Variants in A1CF observed in about 807,000 individuals in gnomAD.
A1CF encodes APOBEC-1 stimulating protein.
In A1CF, 48 loss-of-function variants were observed where a neutral mutation model predicts 68.9. The observed-to-expected ratio is 0.70, with a 90% CI of 0.55 to 0.89. The LOEUF (loss-of-function observed/expected upper bound fraction) is 0.89, where lower values mean the gene tolerates loss of function less well. Among genes scored for constraint, A1CF ranks in the 40% least tolerant of loss-of-function variants. The pLI, the probability that A1CF is intolerant of heterozygous loss-of-function variation, is 0.00. For missense variants in A1CF, 653 were observed against 718.9 expected (o/e 0.91, Z 1.05); for synonymous variants, 272 against 260.4 (o/e 1.04, Z -0.43).
At chr10:50,848,011 A>G (rs1370976063) in intron 3 of A1CF, among the ~76,000 whole-genome samples, 1 of 152,186 alleles carries the variant, frequency 6.6e-6, no homozygotes, top group Non-Finnish European at 1.5e-5. Context: ...CTTGCACATG[A>G]CAGTAATGAC....
At chr10:50,876,236 G>A (rs541508161) in intron 1 of A1CF, among the ~76,000 whole-genome samples, 17 of 152,328 alleles carry the variant, frequency 1.1e-4, no homozygotes, top group Non-Finnish European at 2.1e-4. Flanking sequence ...ACACAGGGCC[G>A]AATAAATTCT....
chr10:50,884,064 C>G (rs948108897), intron 1 of A1CF, among the ~76,000 whole-genome samples: 5 of 152,178 alleles, frequency 3.3e-5, no homozygotes, highest in African/African-American at 9.7e-5. Flanking sequence ...GGTAACAAAA[C>G]CTGCTATAAC....
chr10:50,839,408 G>C (rs142699302), intron 5 of A1CF, among the ~76,000 whole-genome samples: 1 of 152,214 alleles, frequency 6.6e-6, no homozygotes. Flanking sequence ...GTAATGTAGC[G>C]TTTTGTAGCC....
chr10:50,835,621 C>G (rs1424014407), intron 6 of A1CF, among the ~76,000 whole-genome samples: 2 of 152,058 alleles, frequency 1.3e-5, no homozygotes. Context: ...TCAAATTAGA[C>G]AGAAATTATT....
intron 10 of A1CF, among the ~76,000 whole-genome samples, chr10:50,812,795 G>A (rs1795294860): frequency 6.6e-6 from 1 of 152,254 alleles, no homozygotes; most frequent in South Asian, 2.1e-4. Context: ...CCAGCACCTA[G>A]CGCACTACAT....
chr10:50,816,104 T>C lies in A1CF; in HGVS notation c.1043A>G (p.Tyr348Cys), dbSNP rs1838355878. 2 of 1,613,780 alleles carry C rather than the reference T, an allele frequency of 1.2e-6. No individual in the cohort carries two copies. Among genetic ancestry groups the C allele is most frequent in the Non-Finnish European group, 1.7e-6 (2 of 1,179,856 alleles). ...AATTGCTGCATAGGTCTGGGGGGCA[T>C]AGAAGACAGGAGCTCCAAGGTAGGT... ...TTTYLGAPVFYAPQTYAAIPS... is the reference protein window; with the variant it reads ...TTTYLGAPVFCAPQTYAAIPS... The change falls in exon 9 of 13, where the codon TAT becomes TGT. Residue 348 changes from tyrosine to cysteine, a missense_variant. Physicochemically the swap from Tyr to Cys is radical, Grantham distance 194. Transcript: ENST00000373997.
chr10:50,834,769 G>C (rs898920184), intron 6 of A1CF, among the ~76,000 whole-genome samples: 1 of 152,092 alleles, frequency 6.6e-6, no homozygotes, highest in Non-Finnish European at 1.5e-5. Context: ...GAAGTCGGAG[G>C]GTGGGGCACA....
intron 1 of A1CF, among the ~76,000 whole-genome samples, chr10:50,872,997 C>G (rs577549117): frequency 9.3e-4 from 133 of 142,468 alleles, no homozygotes; most frequent in African/African-American, 3.0e-3. Context: ...GCTCTATCAC[C>G]CAGGCTGGAG....
At position 50,800,498 on chromosome 10, in the gene A1CF, T is replaced by C. The variant is rs961456620; in HGVS notation, c.*6231A>G. The stretch of plus-strand genomic sequence containing the variant: ...TATCAGGTGTTGCAATTATATTCAA[T>C]TTTGAAAAATGCAGAATGGACCATG... On this transcript the variant is annotated 3_prime_UTR_variant, in exon 13 of 13. Coordinates refer to ENST00000373997, the MANE Select transcript of A1CF (RefSeq NM_014576.4). 1.3e-5 allele frequency: 2 copies of C among 152,176 alleles called. No individual in the cohort carries two copies. Among genetic ancestry groups the C allele is most frequent in the Admixed American group, 1.3e-4 (2 of 15,266 alleles). The allele number at this position is 152,176 out of a possible 1,614,324, so 9.4% of individuals were successfully genotyped here.
At chr10:50,812,710 C>T (rs1014915709) in intron 10 of A1CF, among the ~76,000 whole-genome samples, 5 of 152,134 alleles carry the variant, frequency 3.3e-5, no homozygotes, top group East Asian at 1.9e-4. Context: ...TATATGTTTA[C>T]GTGTCAGTTT....
intron 1 of A1CF, among the ~76,000 whole-genome samples, chr10:50,881,109 C>A (rs1416466642): frequency 6.6e-6 from 1 of 152,098 alleles, no homozygotes; most frequent in Non-Finnish European, 1.5e-5. Context: ...CCCGCCTCAG[C>A]CTCCTGGGTA....
At chr10:50,865,044 C>G (rs946417450) in intron 1 of A1CF, among the ~76,000 whole-genome samples, 1 of 151,998 alleles carries the variant, frequency 6.6e-6, no homozygotes. Flanking sequence ...GTAATTCCAG[C>G]AATTTGGGAG....
chr10:50,869,896 A>G (rs1347701845), intron 1 of A1CF, among the ~76,000 whole-genome samples: 1 of 151,920 alleles, frequency 6.6e-6, no homozygotes, highest in Non-Finnish European at 1.5e-5. Context: ...TTAGCTTCCT[A>G]TGATATATAG....
At position 50,828,226 on chromosome 10, in the gene A1CF, T is replaced by C. The variant is rs780157411; in HGVS notation, c.674A>G (p.Asp225Gly). 1 of 1,608,422 alleles carries C rather than the reference T, an allele frequency of 6.2e-7. No individual in the cohort carries two copies. The highest frequency in any genetic ancestry group is 1.1e-5 in the South Asian group (1 of 90,472). Residue 225 changes from aspartate to glycine, a missense_variant, in exon 7 of 13, where the codon GAT becomes GGT. Coordinates refer to ENST00000373997, the MANE Select transcript of A1CF (RefSeq NM_014576.4). ...TAGGATTTTCACTGAAGACATTGTA[T>C]CTTCATCAACTTCTACTTCTGGCTC... is the stretch of plus-strand genomic sequence containing the variant. ...WAEPEVEVDE[D>G]TMSSVKILYV...
chr10:50,858,096 T>C (rs1341918814), intron 3 of A1CF, among the ~76,000 whole-genome samples: 1 of 152,134 alleles, frequency 6.6e-6, no homozygotes, highest in Non-Finnish European at 1.5e-5. Context: ...GAAAACATAG[T>C]GCAGAAAAAC....
At chr10:50,828,520 A>G (rs1408589054) in intron 6 of A1CF, 2 of 360,378 alleles carry the variant, frequency 5.5e-6, no homozygotes, top group Non-Finnish European at 1.0e-5. Context: ...TCGATTATAA[A>G]GGGAACCAGG....
intron 1 of A1CF, among the ~76,000 whole-genome samples, chr10:50,867,341 G>A (rs1841041254): frequency 6.6e-6 from 1 of 151,886 alleles, no homozygotes; most frequent in African/African-American, 2.4e-5. Flanking sequence ...ATTTTATTCA[G>A]CCATGAAAAA....
At chr10:50,831,305 A>G (rs76952068) in intron 6 of A1CF, among the ~76,000 whole-genome samples, 1,945 of 152,324 alleles carry the variant, frequency 0.013, 14 homozygotes, top group East Asian at 0.042. Context: ...GAAACAATCA[A>G]TGGAGTGAAG....
chr10:50,877,997 T>A lies in A1CF; in HGVS notation c.-94+7584A>T, dbSNP rs183084681. The stretch of plus-strand genomic sequence containing the variant: ...ATTAGCCAGTTGTGGTGGCACATGC[T>A]TGTAGTCCCAGCTACTCAGGAGGCT... On this transcript the variant is annotated intron_variant, in intron 1 of 12. Transcript: ENST00000373997. 1.3e-3 allele frequency among the ~76,000 whole-genome samples: 200 copies of A among 152,172 alleles called. 3 individuals are homozygous for A. Among genetic ancestry groups the A allele is most frequent in the Non-Finnish European group, 2.2e-4 (15 of 67,986 alleles).
Sources: gnomAD v4.1 joint callset for allele counts (sites outside exome capture counted in the v4.1 genomes callset) on GRCh38, gnomAD v4.1.1 for gene constraint, MANE v1.5 for transcripts, NCBI Gene and HGNC (gene_info 2026-07-23, HGNC 2026-07-21) for gene names.